Variants in PARM1 observed in about 807,000 individuals in gnomAD.
The protein encoded by PARM1 is prostate androgen-regulated mucin-like protein 1.
In PARM1, 14 loss-of-function variants were observed where a neutral mutation model predicts 24.6. The ratio of observed to expected loss-of-function variants is 0.57; its 90% confidence interval spans 0.38 to 0.89. PARM1 has a LOEUF of 0.89. Among genes scored for constraint, PARM1 ranks in the 40% least tolerant of loss-of-function variants. The probability of loss-of-function intolerance (pLI) is 0.00; values close to 1 mark genes in which losing one functional copy is unlikely to be tolerated. For synonymous variants in PARM1, 179 were observed against 156.6 expected (o/e 1.14, Z -1.07); for missense variants, 362 against 380.4 (o/e 0.95, Z 0.40).
At chr4:75,010,453 T>C (rs1221893438) in intron 1 of PARM1, among the ~76,000 whole-genome samples, 1 of 152,218 alleles carries the variant, frequency 6.6e-6, no homozygotes, top group Non-Finnish European at 1.5e-5. Flanking sequence ...ACAATATGTA[T>C]ATATAGTTAC....
At chr4:74,993,123 A>G (rs542892962) in intron 1 of PARM1, among the ~76,000 whole-genome samples, 1 of 152,284 alleles carries the variant, frequency 6.6e-6, no homozygotes, top group African/African-American at 2.4e-5. Context: ...AGATTAGGTT[A>G]TAAAAGACTG....
chr4:74,977,983 G>A (rs994383898), intron 1 of PARM1, among the ~76,000 whole-genome samples: 1 of 152,158 alleles, frequency 6.6e-6, no homozygotes, highest in Non-Finnish European at 1.5e-5. Flanking sequence ...ATATGGAAAG[G>A]AAAAACCATT....
chr4:74,960,994 G>A (rs184173625), intron 1 of PARM1, among the ~76,000 whole-genome samples: 1,774 of 148,366 alleles, frequency 0.012, 28 homozygotes, highest in African/African-American at 0.042. Context: ...GACTGAGCAA[G>A]ACTCCGTCTC....
chr4:74,988,086 C>T lies in PARM1; in HGVS notation c.44-24339C>T, dbSNP rs1371926065. On this transcript the variant is annotated intron_variant, in intron 1 of 3. Transcript: ENST00000307428. ...GTATGTAGGAGATACATTTACACAG[C>T]TATGGTAGGCATGGCTGTTTATACA... 1.1e-4 allele frequency among the ~76,000 whole-genome samples: 17 copies of T among 152,094 alleles called. 1 individual carries two copies. The highest frequency in any genetic ancestry group is 1.1e-3 in the Admixed American group (17 of 15,260).
intron 1 of PARM1, among the ~76,000 whole-genome samples, chr4:75,011,162 G>T (rs554385399): frequency 6.6e-6 from 1 of 152,262 alleles, no homozygotes; most frequent in South Asian, 2.1e-4. Flanking sequence ...CCCCCACCAG[G>T]CCCCACTTCC....
At chr4:75,018,320 T>C (rs1437564829) in intron 2 of PARM1, among the ~76,000 whole-genome samples, 1 of 152,190 alleles carries the variant, frequency 6.6e-6, no homozygotes, top group East Asian at 1.9e-4. Context: ...CCTAAGACAA[T>C]TGGTTTACTT....
intron 1 of PARM1, among the ~76,000 whole-genome samples, chr4:74,981,214 C>T (rs2109772355): frequency 6.6e-6 from 1 of 152,316 alleles, no homozygotes; most frequent in South Asian, 2.1e-4. Context: ...ATCTATCCAT[C>T]TGACAAAGGT....
chr4:74,959,928 A>G (rs1256599195), intron 1 of PARM1, among the ~76,000 whole-genome samples: 7 of 152,206 alleles, frequency 4.6e-5, no homozygotes, highest in African/African-American at 1.7e-4. Flanking sequence ...TGTCTGGTCT[A>G]TTTTGGAATT....
intron 2 of PARM1, among the ~76,000 whole-genome samples, chr4:75,024,975 G>T (rs567769068): frequency 6.6e-6 from 1 of 152,324 alleles, no homozygotes; most frequent in East Asian, 1.9e-4. Flanking sequence ...GATTACAGGC[G>T]TAAGCCACTG....
Position 74,933,184 on chromosome 4 carries a change from C to T in PARM1, c.-144C>T, listed in dbSNP as rs1182054399. 3.0e-5 allele frequency: 19 copies of T among 629,820 alleles called. No homozygotes were observed. The highest frequency in any genetic ancestry group is 5.0e-5 in the Non-Finnish European group (18 of 356,914). The allele number at this position is 629,820 out of a possible 1,614,324, so 39.0% of individuals were successfully genotyped here. A position where few individuals can be genotyped will look rare whatever the true frequency, so the allele number is the denominator to read the frequency against. ...CGCTGCGTTCGCCTCGTTTGCCTCG[C>T]GCCCTCCACTGGAGCTGTTCGCGCC... On this transcript the variant is annotated 5_prime_UTR_variant, in exon 1 of 4. Transcript: ENST00000307428.
chr4:74,971,352 A>G (rs1436569109), intron 1 of PARM1, among the ~76,000 whole-genome samples: 2 of 152,166 alleles, frequency 1.3e-5, no homozygotes, highest in African/African-American at 4.8e-5. Flanking sequence ...CTGTGATTCA[A>G]TTACCTCTCA....
chr4:75,047,426 A>C lies in PARM1; in HGVS notation c.*1179A>C, dbSNP rs965868734. The C allele has an allele frequency of 6.6e-6, 1 of 152,216 alleles. No individual in the cohort carries two copies. The highest frequency in any genetic ancestry group is 6.5e-5 in the Admixed American group (1 of 15,270). The allele number at this position is 152,216 out of a possible 1,614,324, so 9.4% of individuals were successfully genotyped here. ...CTTTAATAAATGAGCAACCCTGGGT[A>C]TAGTCTTAAAATTCTGCACAATAAA... On this transcript the variant is annotated 3_prime_UTR_variant, in exon 4 of 4. Transcript: ENST00000307428.
chr4:74,973,325 T>TA (rs1380962452), intron 1 of PARM1, among the ~76,000 whole-genome samples: 2 of 152,138 alleles, frequency 1.3e-5, no homozygotes, highest in Non-Finnish European at 2.9e-5. Context: ...CATGAATATA[T>TA]AAAAAAATTT....
intron 1 of PARM1, among the ~76,000 whole-genome samples, chr4:75,003,142 T>C (rs1722712195): frequency 6.6e-6 from 1 of 152,074 alleles, no homozygotes; most frequent in Admixed American, 6.5e-5. Flanking sequence ...CCTCCTGCAT[T>C]GTCTCTCTTT....
chr4:74,948,262 CTG>C (rs1160880274), intron 1 of PARM1, among the ~76,000 whole-genome samples: 1 of 152,148 alleles, frequency 6.6e-6, no homozygotes, highest in Non-Finnish European at 1.5e-5. Flanking sequence ...ACTGCAGAAA[CTG>C]AGGCTCAAAA....
chr4:74,935,203 A>G (rs1310369778), intron 1 of PARM1, among the ~76,000 whole-genome samples: 1 of 151,942 alleles, frequency 6.6e-6, no homozygotes, highest in South Asian at 2.1e-4. Flanking sequence ...ACTCAGGAAG[A>G]CATACTGCCT....
At chr4:74,987,136 T>C (rs1722372857) in intron 1 of PARM1, among the ~76,000 whole-genome samples, 2 of 152,216 alleles carry the variant, frequency 1.3e-5, no homozygotes, top group Non-Finnish European at 2.9e-5. Context: ...TCCCCTTCTT[T>C]TTATGCATGT....
intron 2 of PARM1, 125 bp downstream of exon 2, chr4:75,013,275 C>A: frequency 9.6e-7 from 1 of 1,036,900 alleles, no homozygotes; most frequent in Non-Finnish European, 1.4e-6. Flanking sequence ...AATTATAATT[C>A]ACAAGAATTT....
At chr4:74,994,693 T>C (rs1722541965) in intron 1 of PARM1, among the ~76,000 whole-genome samples, 2 of 151,904 alleles carry the variant, frequency 1.3e-5, no homozygotes, top group Non-Finnish European at 2.9e-5. Flanking sequence ...CCTACAGTCC[T>C]GAGGCAGGAG....
Sources: gnomAD v4.1 joint callset for allele counts (sites outside exome capture counted in the v4.1 genomes callset) on GRCh38, gnomAD v4.1.1 for gene constraint, MANE v1.5 for transcripts, NCBI Gene and HGNC (gene_info 2026-07-23, HGNC 2026-07-21) for gene names.